The following CACNG8 variants were observed in gnomAD, a reference collection of about 807,000 sequenced individuals.
CACNG8 encodes the protein calcium voltage-gated channel auxiliary subunit gamma 8, also known as voltage-dependent calcium channel gamma-8 subunit.
In CACNG8, 5 loss-of-function variants were observed where a neutral mutation model predicts 26.9. The ratio of observed to expected loss-of-function variants is 0.19; its 90% CI spans 0.10 to 0.39. CACNG8 has a LOEUF of 0.39. Among genes scored for constraint, CACNG8 ranks in the 10% least tolerant of loss-of-function variants. The pLI, the probability that CACNG8 is intolerant of heterozygous loss-of-function variation, is 1.00. For missense variants in CACNG8, 473 were observed against 609.4 expected (o/e 0.78, Z 2.36); for synonymous variants, 321 against 296.7 (o/e 1.08, Z -0.84).
At chr19:53,973,552 C>T (rs2069314263) in intron 1 of CACNG8, among the ~76,000 whole-genome samples, 1 of 149,626 alleles carries the variant, frequency 6.7e-6, no homozygotes. Flanking sequence ...AAAAACTGGA[C>T]AAGATGGCTT....
chr19:53,963,693 T>C (rs1266072923), intron 1 of CACNG8, among the ~76,000 whole-genome samples: 1 of 151,820 alleles, frequency 6.6e-6, no homozygotes, highest in Non-Finnish European at 1.5e-5. Context: ...ATCCTATCTT[T>C]CCCTAGTCCG....
In CACNG8 at chr19:53,982,417, G is replaced by A; in HGVS notation, c.846G>A (p.Glu282=). The A allele has an allele frequency of 1.3e-6, 2 of 1,520,538 alleles. No individual in the cohort carries two copies. The highest frequency in any genetic ancestry group is 8.8e-7 in the Non-Finnish European group (1 of 1,140,874). 94.2% of individuals were successfully genotyped at this position (1,520,538 alleles called of 1,614,324 possible). The change falls in exon 4 of 4, where the codon GAG becomes GAA. Residue 282 remains glutamate, a synonymous_variant. Transcript: ENST00000270458. This position sits in a 1 kb window ranked among gnomAD's most constrained non-coding sequence, Gnocchi z 8.4. Reference sequence around the variant, plus strand: ...CCCGCTCTAGCTCCCGCTCCAGCGAGCCGTCGCCGTCGCGGGACGCGTCTC... The same window carrying A: ...CCCGCTCTAGCTCCCGCTCCAGCGAACCGTCGCCGTCGCGGGACGCGTCTC...
At chr19:53,976,546 T>C (rs1018273191) in intron 1 of CACNG8, among the ~76,000 whole-genome samples, 3 of 152,228 alleles carry the variant, frequency 2.0e-5, no homozygotes, top group Admixed American at 6.5e-5. Context: ...TCCTCCTTTA[T>C]CCCTATTCTT....
intron 1 of CACNG8, among the ~76,000 whole-genome samples, chr19:53,975,670 C>A (rs2069326862): frequency 6.6e-6 from 1 of 152,188 alleles, no homozygotes; most frequent in Non-Finnish European, 1.5e-5. Flanking sequence ...TGAGCCACCA[C>A]ACCTGGCCCA....
At chr19:53,965,715 G>T (rs548400443) in intron 1 of CACNG8, among the ~76,000 whole-genome samples, 2 of 151,840 alleles carry the variant, frequency 1.3e-5, no homozygotes, top group Admixed American at 6.6e-5. Flanking sequence ...GACAGATAAT[G>T]ATGGAGGTAA....
chr19:53,969,067 G>A (rs1306295797), intron 1 of CACNG8, among the ~76,000 whole-genome samples: 1 of 151,938 alleles, frequency 6.6e-6, no homozygotes, highest in Non-Finnish European at 1.5e-5. Context: ...GCAGAGGCGC[G>A]ATCTCAACCC....
At chr19:53,964,826 CTG>C (rs1475329011) in intron 1 of CACNG8, among the ~76,000 whole-genome samples, 1 of 152,216 alleles carries the variant, frequency 6.6e-6, no homozygotes, top group Non-Finnish European at 1.5e-5. Flanking sequence ...TGTGTGACCA[CTG>C]TCTTCCCTCC....
intron 1 of CACNG8, among the ~76,000 whole-genome samples, chr19:53,970,236 A>G (rs1030843190): frequency 1.3e-5 from 2 of 152,168 alleles, no homozygotes; most frequent in Non-Finnish European, 2.9e-5. Context: ...GAATCGCTTG[A>G]ACCCAGGAGG....
Position 53,988,865 on chromosome 19 carries a change from G to A in CACNG8, c.*6016G>A, listed in dbSNP as rs529949486. The stretch of plus-strand genomic sequence containing the variant: ...CTGTCTCTTGCTGCTGTCAGCGCCG[G>A]GCACACTCTGGGATTCCCCCTGTAG... On this transcript the variant is annotated 3_prime_UTR_variant, in exon 4 of 4. Transcript: ENST00000270458. The A allele has an allele frequency of 8.5e-5, 13 of 152,360 alleles. No homozygotes were observed. The highest frequency in any genetic ancestry group is 3.1e-4 in the African/African-American group (13 of 41,572). 9.4% of individuals were successfully genotyped at this position (152,360 alleles called of 1,614,324 possible).
Position 53,963,191 on chromosome 19 carries a change from A to AAGGGGGTGC in CACNG8, c.53_61dup (p.Gly18_Gln20dup), listed in dbSNP as rs1293789189. On this transcript the variant is annotated inframe_insertion, in exon 1 of 4. Coordinates refer to ENST00000270458, the MANE Select transcript of CACNG8 (RefSeq NM_031895.6). ...CGAAGAGCGGGGCCTCTGGTGCGAGAAGGGGGTGCAGGTGCTGCTGACGAC... is the reference window on the plus strand; with the variant it reads ...CGAAGAGCGGGGCCTCTGGTGCGAGAAGGGGGTGCAGGGGGTGCAGGTGCTGCTGACGAC... 10 of 1,590,510 alleles carry AAGGGGGTGC rather than the reference A, an allele frequency of 6.3e-6. No homozygotes were observed.
chr19:53,980,041 C>T, intron 3 of CACNG8, 34 bp downstream of exon 3: 2 of 1,570,282 alleles, frequency 1.3e-6, no homozygotes, highest in Non-Finnish European at 1.7e-6. Context: ...ACCGGGGCGG[C>T]CCACCTGGGC....
intron 3 of CACNG8, among the ~76,000 whole-genome samples, chr19:53,980,260 G>C (rs1284581976): frequency 1.3e-5 from 2 of 152,136 alleles, no homozygotes; most frequent in Admixed American, 6.5e-5. Flanking sequence ...GACACAGGCA[G>C]GTGTCTGGCG....
In CACNG8 at chr19:53,979,902, A is replaced by T. The variant is rs2069353913; in HGVS notation, c.403A>T (p.Ser135Cys). ...GGCCTCCAGCATCTTCCCCATCCTT[A>T]GCGCCATCCTGCTGCTGCTCGGGGG... The change falls in exon 3 of 4, where the codon AGC becomes TGC. Residue 135 changes from serine (S) to cysteine (C), a missense_variant. By Grantham distance (112) the Ser-to-Cys change is moderately radical (BLOSUM62 -1). Around this residue, in one of 6 missense-constraint regions of CACNG8, gnomAD observed 155 missense variants for 253.0 expected, o/e 0.61. Transcript: ENST00000270458. 2.5e-6 allele frequency: 4 copies of T among 1,610,090 alleles called. No homozygotes were observed. Among genetic ancestry groups the T allele is most frequent in the Non-Finnish European group, 3.4e-6 (4 of 1,177,968 alleles).
intron 1 of CACNG8, among the ~76,000 whole-genome samples, chr19:53,968,846 G>A (rs1048271858): frequency 6.6e-6 from 1 of 151,150 alleles, no homozygotes; most frequent in Non-Finnish European, 1.5e-5. Flanking sequence ...CCACAGGTTT[G>A]GGGAAAAACA....
Position 53,982,070 on chromosome 19 carries a change from C to A in CACNG8, c.509-10C>A. 6.4e-7 allele frequency: 1 copy of A among 1,551,960 alleles called. No homozygotes were observed. Among genetic ancestry groups the A allele is most frequent in the Non-Finnish European group, 8.7e-7 (1 of 1,150,242 alleles). Reference sequence around the variant, plus strand: ...GGCCTCGAGGCTCCCGTCTGACCGTCCCCGCCCAGGCCTGAGCAACATCAT... The same window carrying A: ...GGCCTCGAGGCTCCCGTCTGACCGTACCCGCCCAGGCCTGAGCAACATCAT... On this transcript the variant is annotated splice_polypyrimidine_tract_variant and intron_variant, in intron 3 of 3. Coordinates refer to ENST00000270458, the MANE Select transcript of CACNG8 (RefSeq NM_031895.6). This position sits in a 1 kb window ranked among gnomAD's most constrained non-coding sequence, Gnocchi z 8.4.
rs746269148 is a variant in CACNG8, at chr19:53,963,166, C to A, written c.24C>A (p.Asn8Lys). The change falls in exon 1 of 4, where the codon AAC (asparagine) becomes AAA (lysine). Residue 8 changes from asparagine to lysine, a missense_variant. Asn to Lys is a moderately conservative substitution (Grantham distance 94). Coordinates refer to ENST00000270458, the MANE Select transcript of CACNG8 (RefSeq NM_031895.6). ...AACTGGAGTCGCTGAAGCGCTGGAACGAAGAGCGGGGCCTCTGGTGCGAGA... is the reference window on the plus strand; with the variant it reads ...AACTGGAGTCGCTGAAGCGCTGGAAAGAAGAGCGGGGCCTCTGGTGCGAGA... 15 of 1,552,384 alleles carry A rather than the reference C, an allele frequency of 9.7e-6. No homozygotes were observed. Among genetic ancestry groups the A allele is most frequent in the Non-Finnish European group, 1.2e-5 (14 of 1,151,494 alleles).
chr19:53,963,466 C>T, intron 1 of CACNG8, 41 bp downstream of exon 1: 1 of 1,422,678 alleles, frequency 7.0e-7, no homozygotes, highest in Non-Finnish European at 9.1e-7. Flanking sequence ...CCGCCGCTCC[C>T]CTCCGAGAGA....
In CACNG8 at chr19:53,980,016, C is replaced by G. The variant is rs1188431505; in HGVS notation, c.508+9C>G. On this transcript the variant is annotated intron_variant, in intron 3 of 3. Coordinates refer to ENST00000270458, the MANE Select transcript of CACNG8 (RefSeq NM_031895.6). The stretch of plus-strand genomic sequence containing the variant: ...CCTGTTCGTGGCAGCAGGTGAGAGG[C>G]AGAGGGAGGGGGCGACCGGGGCGGC... 1.9e-6 allele frequency: 3 copies of G among 1,601,956 alleles called. No individual in the cohort carries two copies. The African/African-American group carries it at 4.0e-5, about 21-fold the overall frequency.
intron 1 of CACNG8, among the ~76,000 whole-genome samples, chr19:53,969,872 C>T (rs2145934383): frequency 6.6e-6 from 1 of 152,326 alleles, no homozygotes; most frequent in Non-Finnish European, 1.5e-5. Context: ...TGGCTCACAC[C>T]TGTAATCCCA....
Sources: allele counts gnomAD v4.1 joint callset (sites outside exome capture counted in the v4.1 genomes callset), GRCh38; gene constraint gnomAD v4.1.1; regional missense constraint gnomAD v4.1.1; non-coding constraint Gnocchi (gnomAD v3.1); transcripts MANE v1.5; gene names NCBI Gene and HGNC (gene_info 2026-07-23, HGNC 2026-07-21).